The following AGBL4 variants were observed in gnomAD, a reference collection of about 807,000 sequenced individuals.
AGBL4 encodes AGBL carboxypeptidase 4, also known as cytosolic carboxypeptidase 6.
Under a neutral mutation model 66.4 loss-of-function variants are expected in AGBL4, and 58 were observed. The ratio of observed to expected loss-of-function variants is 0.87; its 90% CI spans 0.71 to 1.09. The LOEUF is 1.09. Ranked by LOEUF, AGBL4 falls within the 50% of genes least tolerant of loss-of-function variation. AGBL4 has a pLI of 0.00. For synonymous variants in AGBL4, 234 were observed against 222.9 expected (o/e 1.05, Z -0.44); for missense variants, 579 against 631.0 (o/e 0.92, Z 0.88).
At chr1:49,398,708 T>A (rs1179587690) in intron 3 of AGBL4, among the ~76,000 whole-genome samples, 1 of 152,164 alleles carries the variant, frequency 6.6e-6, no homozygotes, top group East Asian at 1.9e-4. Flanking sequence ...ACTCTTTTTT[T>A]AATTTTTGTG....
At chr1:49,119,235 GCTAGCTTTTGAATGTGTTTGCT>G (rs1452410644) in intron 4 of AGBL4, among the ~76,000 whole-genome samples, 3 of 152,032 alleles carry the variant, frequency 2.0e-5, no homozygotes, top group Non-Finnish European at 4.4e-5. Context: ...CTTGCCTTCT[GCTAGCTTTTGAATGTGTTTGCT>G]CTTGCTTCTC....
chr1:49,072,142 C>T (rs990196568), intron 4 of AGBL4, among the ~76,000 whole-genome samples: 7 of 152,254 alleles, frequency 4.6e-5, no homozygotes, highest in Non-Finnish European at 8.8e-5. Context: ...TGTGTCTTTG[C>T]ACATAAGATG....
Position 49,697,382 on chromosome 1 carries a change from C to A in AGBL4, c.213G>T (p.Arg71Ser). The A allele has an allele frequency of 6.5e-7, 1 of 1,547,564 alleles. No homozygotes were observed. Among genetic ancestry groups the A allele is most frequent in the Admixed American group, 2.0e-5 (1 of 50,938 alleles). The change falls in exon 3 of 14, where the codon AGG becomes AGT. Residue 71 changes from arginine (R) to serine (S), a missense_variant. By Grantham distance (110) the Arg-to-Ser change is moderately radical. Coordinates refer to ENST00000371839, the MANE Select transcript of AGBL4 (RefSeq NM_032785.4). ...VSEFEYDLFI[R>S]PDTCNPRFRV... ...GGAAGCGTGGATTACAGGTGTCCGG[C>A]CTAATGAACAGATCATACTCAAACT...
At chr1:49,238,954 T>G (rs1276609570) in intron 4 of AGBL4, among the ~76,000 whole-genome samples, 1 of 152,184 alleles carries the variant, frequency 6.6e-6, no homozygotes, top group East Asian at 1.9e-4. Context: ...TTTCTCCACC[T>G]TTCAGAGTTT....
intron 9 of AGBL4, among the ~76,000 whole-genome samples, chr1:48,592,190 C>A (rs985112626): frequency 2.0e-5 from 3 of 152,192 alleles, no homozygotes; most frequent in Admixed American, 2.0e-4. Context: ...GCCTCCTGCC[C>A]CCTTGCACAA....
At chr1:48,796,391 CCT>C (rs1645674715) in intron 6 of AGBL4, among the ~76,000 whole-genome samples, 1 of 152,108 alleles carries the variant, frequency 6.6e-6, no homozygotes, top group South Asian at 2.1e-4. Context: ...CTATGGAATT[CCT>C]CAATTAAAAT....
rs189314511 is a variant in AGBL4, at chr1:49,217,373, C to T, written c.377+28397G>A. ...TTACATTTCAATGCCTTTGCTGAAGCTATTATTTTGTCTGGAAAATGCATG... is the reference window on the plus strand; with the variant it reads ...TTACATTTCAATGCCTTTGCTGAAGTTATTATTTTGTCTGGAAAATGCATG... On this transcript the variant is annotated intron_variant, in intron 4 of 13. Transcript: ENST00000371839. Among the ~76,000 whole-genome samples, 22 of 152,158 alleles carry T rather than the reference C, an allele frequency of 1.4e-4. No homozygotes were observed. In the East Asian group the frequency reaches 3.9e-3, roughly 27 times the overall value.
At chr1:49,637,837 C>G (rs1645708124) in intron 3 of AGBL4, among the ~76,000 whole-genome samples, 1 of 151,734 alleles carries the variant, frequency 6.6e-6, no homozygotes, top group Non-Finnish European at 1.5e-5. Context: ...TTTAGTTTGC[C>G]ATAGAATGCA....
chr1:49,662,604 A>C (rs1646291528), intron 3 of AGBL4, among the ~76,000 whole-genome samples: 1 of 152,144 alleles, frequency 6.6e-6, no homozygotes, highest in Non-Finnish European at 1.5e-5. Context: ...TTATGCCTCA[A>C]CTTTTATTTG....
Position 49,517,399 on chromosome 1 carries a change from AAAG to A in AGBL4, c.282+179911_282+179913del, listed in dbSNP as rs1294946519. The stretch of plus-strand genomic sequence containing the variant: ...GCATGGTCACAGCACATAATATATA[AAAG>A]AAGAATTTTCACTTGCCACCATAAT... On this transcript the variant is annotated intron_variant, in intron 3 of 13. Transcript: ENST00000371839. Among the ~76,000 whole-genome samples the A allele has an allele frequency of 7.2e-5, 11 of 152,008 alleles. No homozygotes were observed. The South Asian group carries it at 2.3e-3, about 32-fold the overall frequency.
chr1:48,913,213 G>A (rs1339336678), intron 5 of AGBL4, among the ~76,000 whole-genome samples: 1 of 152,168 alleles, frequency 6.6e-6, no homozygotes, highest in East Asian at 1.9e-4. Flanking sequence ...TGACATGATG[G>A]TCATCTAAAC....
At chr1:48,818,199 G>A (rs758290688) in intron 6 of AGBL4, 38 of 717,342 alleles carry the variant, frequency 5.3e-5, no homozygotes, top group South Asian at 2.8e-4. Context: ...AGAAGCAAAT[G>A]ATTTCACCAG....
rs181651221 is a variant in AGBL4, at chr1:48,579,873, G to A, written c.1267+7131C>T. Among the ~76,000 whole-genome samples, 433 of 145,088 alleles carry A rather than the reference G, an allele frequency of 3.0e-3. 2 individuals are homozygous for A. The highest frequency in any genetic ancestry group is 0.011 in the African/African-American group (414 of 38,868). On this transcript the variant is annotated intron_variant, in intron 11 of 13. Coordinates refer to ENST00000371839, the MANE Select transcript of AGBL4 (RefSeq NM_032785.4). ...GCGGAGCTTGCAGTGAGCCGAGATC[G>A]TGCCACTGCACTCCAGCCTGGGCGA...
At chr1:49,316,059 C>A (rs183186011) in intron 3 of AGBL4, among the ~76,000 whole-genome samples, 23 of 151,924 alleles carry the variant, frequency 1.5e-4, no homozygotes, top group Admixed American at 7.2e-4. Context: ...CTGGGAAAGG[C>A]AAAACTATGA....
intron 4 of AGBL4, among the ~76,000 whole-genome samples, chr1:49,228,250 A>C (rs1022537655): frequency 6.6e-6 from 1 of 152,254 alleles, no homozygotes; most frequent in African/African-American, 2.4e-5. Flanking sequence ...CTAGGTGCTT[A>C]GGATACATCA....
intron 2 of AGBL4, among the ~76,000 whole-genome samples, chr1:49,831,980 C>A (rs1412306786): frequency 6.9e-6 from 1 of 145,596 alleles, no homozygotes; most frequent in African/African-American, 2.5e-5. Flanking sequence ...GGTGGATAAG[C>A]TTTTTTTTTT....
intron 1 of AGBL4, among the ~76,000 whole-genome samples, chr1:49,999,432 T>C (rs1391931227): frequency 6.6e-6 from 1 of 151,438 alleles, no homozygotes; most frequent in Non-Finnish European, 1.5e-5. Context: ...AAAGAAATCA[T>C]AGACAACACA....
intron 2 of AGBL4, among the ~76,000 whole-genome samples, chr1:49,735,590 A>G (rs1357078786): frequency 6.6e-6 from 1 of 152,136 alleles, no homozygotes; most frequent in Non-Finnish European, 1.5e-5. Context: ...GTAATATACC[A>G]GCAACAGGAA....
chr1:48,647,415 A>C (rs1390988967), intron 8 of AGBL4, among the ~76,000 whole-genome samples: 4 of 152,232 alleles, frequency 2.6e-5, no homozygotes, highest in Non-Finnish European at 5.9e-5. Flanking sequence ...ATGAGAAATT[A>C]TGGGTAACTA....
Sources: gnomAD v4.1 joint callset for allele counts (sites outside exome capture counted in the v4.1 genomes callset) on GRCh38, gnomAD v4.1.1 for gene constraint, MANE v1.5 for transcripts, NCBI Gene and HGNC (gene_info 2026-07-23, HGNC 2026-07-21) for gene names.